The following DSG1 variants were observed in gnomAD, a reference collection of about 807,000 sequenced individuals.
DSG1 encodes the protein desmoglein 1.
A neutral mutation model predicts 97.5 loss-of-function variants in DSG1; 39 were observed. The observed-to-expected ratio is 0.40, with a 90% CI of 0.31 to 0.52. The LOEUF (loss-of-function observed/expected upper bound fraction) is 0.52. DSG1 is among the 20% of genes least tolerant of loss of function. The pLI is 0.53. For missense variants in DSG1, 1,311 were observed against 1,295.4 expected (o/e 1.01, Z -0.18); for synonymous variants, 475 against 443.4 (o/e 1.07, Z -0.90).
chr18:31,328,424 T>A (rs970413489), intron 4 of DSG1, 80 bp downstream of exon 4: 1 of 1,444,000 alleles, frequency 6.9e-7, no homozygotes, highest in Non-Finnish European at 9.7e-7. Context: ...ATACTTAATT[T>A]GATTTCAAGA....
chr18:31,335,107 A>G (rs1381888950), intron 8 of DSG1, among the ~76,000 whole-genome samples: 1 of 151,908 alleles, frequency 6.6e-6, no homozygotes, highest in African/African-American at 2.4e-5. Flanking sequence ...GTGTCTTCTT[A>G]AAGTGTCACC....
In DSG1 at chr18:31,333,735, T is replaced by C. The variant is rs759636098; in HGVS notation, c.819+12T>C. The C allele has an allele frequency of 2.9e-4, 462 of 1,612,900 alleles. 1 individual carries two copies. The South Asian group carries it at 4.9e-3, about 17-fold the overall frequency. Reference sequence around the variant, plus strand: ...TGGAACAGTCTTCAGTAAGTATTTGTTCTTGGAATTAATAAATCTAAATTC... The same window carrying C: ...TGGAACAGTCTTCAGTAAGTATTTGCTCTTGGAATTAATAAATCTAAATTC... On this transcript the variant is annotated intron_variant, in intron 7 of 14. Transcript: ENST00000257192.
intron 14 of DSG1, among the ~76,000 whole-genome samples, chr18:31,347,257 C>T (rs544015021): frequency 2.0e-5 from 3 of 152,262 alleles, no homozygotes; most frequent in African/African-American, 7.2e-5. Context: ...ATATATACAA[C>T]AAAATATTTT....
rs1001183943 is a variant in DSG1 at position 31,331,475 on chromosome 18, C to T, written c.518-226C>T. On this transcript the variant is annotated intron_variant, in intron 5 of 14. Coordinates refer to ENST00000257192, the MANE Select transcript of DSG1 (RefSeq NM_001942.4). ...CAGAATAACACATTTCCTTTGTTTCCCAGTTATCAACAATGTCTAGATTCC... is the reference window on the plus strand; with the variant it reads ...CAGAATAACACATTTCCTTTGTTTCTCAGTTATCAACAATGTCTAGATTCC... Among the ~76,000 whole-genome samples the T allele has an allele frequency of 2.6e-5, 4 of 151,940 alleles. No individual in the cohort carries two copies. In the East Asian group the frequency reaches 7.7e-4, roughly 29 times the overall value.
intron 7 of DSG1, 111 bp from the exon 8 acceptor site, chr18:31,333,906 A>T: frequency 8.8e-7 from 1 of 1,132,302 alleles, no homozygotes; most frequent in South Asian, 1.3e-5. Context: ...TGAGATGAAA[A>T]CCACAGATAT....
At position 31,338,471 on chromosome 18, in the gene DSG1, C is replaced by A. The variant is rs751639814; in HGVS notation, c.1405+17C>A. The A allele has an allele frequency of 6.2e-7, 1 of 1,609,976 alleles. No individual in the cohort carries two copies. On this transcript the variant is annotated intron_variant, in intron 10 of 14. Coordinates refer to ENST00000257192, the MANE Select transcript of DSG1 (RefSeq NM_001942.4). ...CTATAGATGGTAAGAAATTAATTTA[C>A]ATTTTTATCTTTTCTAGAGAAAGCT...
intron 8 of DSG1, among the ~76,000 whole-genome samples, chr18:31,334,441 T>C (rs1411172794): frequency 6.6e-6 from 1 of 152,068 alleles, no homozygotes; most frequent in Non-Finnish European, 1.5e-5. Context: ...TACTCCCAAA[T>C]AGATCATATA....
rs776934258 is a variant in DSG1, at chr18:31,356,638, A to G, written c.*1292A>G. On this transcript the variant is annotated 3_prime_UTR_variant, in exon 15 of 15. Coordinates refer to ENST00000257192, the MANE Select transcript of DSG1 (RefSeq NM_001942.4). Reference sequence around the variant, plus strand: ...AATTGACAATATGGTGTTGATAAGCATGAAATAATAATAGAAACCTATTCT... The same window carrying G: ...AATTGACAATATGGTGTTGATAAGCGTGAAATAATAATAGAAACCTATTCT... 7.2e-5 allele frequency: 11 copies of G among 152,328 alleles called. No individual in the cohort carries two copies. The highest frequency in any genetic ancestry group is 1.6e-4 in the Non-Finnish European group (11 of 68,016). 9.4% of individuals were successfully genotyped at this position (152,328 alleles called of 1,614,324 possible).
In DSG1 at chr18:31,354,901, G is replaced by A; in HGVS notation, c.2705G>A (p.Ser902Asn). 1 of 1,614,166 alleles carries A rather than the reference G, an allele frequency of 6.2e-7. No homozygotes were observed. Among genetic ancestry groups the A allele is most frequent in the African/African-American group, 1.3e-5 (1 of 75,034 alleles). ...GTGACAGAAAGGGTAATAGCACCAA[G>A]CTCTAGTCTACCCACCTCTCTGACT... ...VIVTERVIAP[S>N]SSLPTSLTIH... Residue 902 changes from serine (S) to asparagine (N), a missense_variant, in exon 15 of 15, where the codon AGC becomes AAC. This residue lies in a region of DSG1 where 1,038 missense variants were observed against 964.6 expected (regional missense o/e 1.08). Transcript: ENST00000257192.
rs555365139 is a variant in DSG1 at position 31,343,703 on chromosome 18, T to C, written c.1821+120T>C. ...CTGTTTTTTGTGCTGAGAAAGCTAA[T>C]GGAGAAAATGAAGAGGAATCAGAAA... is the stretch of plus-strand genomic sequence containing the variant. On this transcript the variant is annotated intron_variant, in intron 12 of 14. Transcript: ENST00000257192. The C allele has an allele frequency of 7.6e-6, 11 of 1,456,408 alleles. No homozygotes were observed. The African/African-American group carries it at 1.3e-4, about 17-fold the overall frequency. The allele number at this position is 1,456,408 out of a possible 1,614,324, so 90.2% of individuals were successfully genotyped here.
chr18:31,331,570 T>A (rs1376893533), intron 5 of DSG1, 131 bp from the exon 6 acceptor site: 10 of 768,232 alleles, frequency 1.3e-5, no homozygotes, highest in Non-Finnish European at 2.0e-5. Flanking sequence ...GTTGAAGGAG[T>A]AGAAAGGGAA....
intron 13 of DSG1, among the ~76,000 whole-genome samples, chr18:31,345,147 C>T (rs1276606175): frequency 6.6e-6 from 1 of 152,116 alleles, no homozygotes; most frequent in Admixed American, 6.5e-5. Flanking sequence ...ATTAAATCTA[C>T]AAACTTTTGC....
chr18:31,322,987 C>T (rs1308713713), intron 1 of DSG1, among the ~76,000 whole-genome samples: 2 of 152,044 alleles, frequency 1.3e-5, no homozygotes, highest in Non-Finnish European at 2.9e-5. Context: ...GGATTGGTTC[C>T]TAAAACAGAA....
In DSG1 at chr18:31,339,792, G is replaced by C. The variant is rs774612504; in HGVS notation, c.1454G>C (p.Ser485Thr). ...GGTACAATTAATATTAACATTCAAAGTTTTGGTAATGACGACAGGACTAAT... is the reference window on the plus strand; with the variant it reads ...GGTACAATTAATATTAACATTCAAACTTTTGGTAATGACGACAGGACTAAT... ...CTGTININIQ[S>T]FGNDDRTNTE... Residue 485 changes from serine (S) to threonine (T), a missense_variant, in exon 11 of 15, where the codon AGT becomes ACT. This residue lies in a region of DSG1 where 1,038 missense variants were observed against 964.6 expected (regional missense o/e 1.08). Coordinates refer to ENST00000257192, the MANE Select transcript of DSG1 (RefSeq NM_001942.4). The C allele has an allele frequency of 2.2e-5, 35 of 1,613,026 alleles. No individual in the cohort carries two copies. Among genetic ancestry groups the C allele is most frequent in the Admixed American group, 2.2e-4 (13 of 59,988 alleles).
At chr18:31,326,388 G>T (rs2071685987) in intron 1 of DSG1, among the ~76,000 whole-genome samples, 193 bp from the exon 2 acceptor site, 1 of 151,910 alleles carries the variant, frequency 6.6e-6, no homozygotes, top group Admixed American at 6.6e-5. Flanking sequence ...TAAATTGAAA[G>T]GTAAAAACAA....
At chr18:31,342,231 C>T (rs1390293693) in intron 11 of DSG1, among the ~76,000 whole-genome samples, 2 of 152,122 alleles carry the variant, frequency 1.3e-5, no homozygotes, top group African/African-American at 4.8e-5. Flanking sequence ...CGCGCCCGTC[C>T]TGAGTTGTTT....
chr18:31,319,079 G>C (rs1200746035), intron 1 of DSG1, among the ~76,000 whole-genome samples: 1 of 152,150 alleles, frequency 6.6e-6, no homozygotes. Context: ...TTGTGCACTT[G>C]ATCGTCTGAC....
Position 31,331,644 on chromosome 18 carries a change from T to C in DSG1, c.518-57T>C, listed in dbSNP as rs2071721591. On this transcript the variant is annotated intron_variant, in intron 5 of 14. Transcript: ENST00000257192. ...ACACTTTTTTGGAAAGGTGATATAC[T>C]CTACTGTAACAAAAATGTAAATCAC... 4.6e-6 allele frequency: 7 copies of C among 1,533,960 alleles called. No homozygotes were observed. The South Asian group carries it at 8.0e-5, about 18-fold the overall frequency.
rs2071967829 is a variant in DSG1, at chr18:31,357,326, A to AG, written c.*1985dup. On this transcript the variant is annotated 3_prime_UTR_variant, in exon 15 of 15. Coordinates refer to ENST00000257192, the MANE Select transcript of DSG1 (RefSeq NM_001942.4). ...GGAGTCTTTTCTTTTTCTGACACTTAGGGGGCCACATTAAGGATGGGTAAT... is the reference window on the plus strand; with the variant it reads ...GGAGTCTTTTCTTTTTCTGACACTTAGGGGGGCCACATTAAGGATGGGTAAT... Among the ~76,000 whole-genome samples the AG allele has an allele frequency of 6.6e-6, 1 of 152,080 alleles. No homozygotes were observed. Among genetic ancestry groups the AG allele is most frequent in the Admixed American group, 6.6e-5 (1 of 15,264 alleles).
Sources: allele counts gnomAD v4.1 joint callset (sites outside exome capture counted in the v4.1 genomes callset), GRCh38; gene constraint gnomAD v4.1.1; regional missense constraint gnomAD v4.1.1; transcripts MANE v1.5; gene names NCBI Gene and HGNC (gene_info 2026-07-23, HGNC 2026-07-21).